ADK: variants seen among roughly 807,000 people sequenced by gnomAD.
ADK encodes the protein N6,N6-dimethyladenosine kinase.
A neutral mutation model predicts 44.7 loss-of-function variants in ADK; 24 were observed. That is an observed-to-expected ratio of 0.54 (90% confidence interval 0.39 to 0.76). ADK has a LOEUF of 0.76. ADK is among the 30% of genes least tolerant of loss of function. The pLI, the probability that ADK is intolerant of heterozygous loss-of-function variation, is 0.00. For missense variants in ADK, 321 were observed against 425.1 expected (o/e 0.76, Z 2.15); for synonymous variants, 128 against 142.6 (o/e 0.90, Z 0.73).
rs561544193 is a variant in ADK, at chr10:74,217,705, G to A, written c.141-6833G>A. On this transcript the variant is annotated intron_variant, in intron 2 of 10. Coordinates refer to ENST00000539909, the MANE Select transcript of ADK (RefSeq NM_006721.4). The stretch of plus-strand genomic sequence containing the variant: ...GAGGAACGATCAGACAGCAGCATTC[G>A]CGGTTCACGAAAAACCACTGTTCTG... Among the ~76,000 whole-genome samples, 8 of 152,254 alleles carry A rather than the reference G, an allele frequency of 5.3e-5. No homozygotes were observed. The East Asian group carries it at 5.8e-4, about 11-fold the overall frequency.
intron 4 of ADK, among the ~76,000 whole-genome samples, chr10:74,327,465 T>G (rs1030987040): frequency 6.6e-6 from 1 of 152,234 alleles, no homozygotes; most frequent in African/African-American, 2.4e-5. Flanking sequence ...ATGTGTAATC[T>G]TCAGCCGCTG....
intron 3 of ADK, among the ~76,000 whole-genome samples, chr10:74,225,688 A>G (rs1375440546): frequency 6.6e-6 from 1 of 152,206 alleles, no homozygotes; most frequent in African/African-American, 2.4e-5. Context: ...TACACATTCC[A>G]CTATTATGCT....
intron 4 of ADK, among the ~76,000 whole-genome samples, chr10:74,343,493 G>A: frequency 6.6e-6 from 1 of 152,172 alleles, no homozygotes; most frequent in East Asian, 1.9e-4. Flanking sequence ...AGGAGGAACT[G>A]GTTTTGCTGT....
At chr10:74,174,751 C>T (rs10824094) in intron 1 of ADK, 83,303 of 152,072 alleles carry the variant, frequency 0.55, 23,650 homozygotes, top group Non-Finnish European at 0.62. Context: ...GTCTTAACCA[C>T]GCCAAGTATA....
intron 9 of ADK, among the ~76,000 whole-genome samples, chr10:74,623,884 T>C (rs996756319): frequency 6.6e-6 from 1 of 152,114 alleles, no homozygotes; most frequent in Non-Finnish European, 1.5e-5. Flanking sequence ...TCAGAATAAT[T>C]ATTGTTTGTA....
intron 10 of ADK, among the ~76,000 whole-genome samples, chr10:74,686,904 C>T (rs919683262): frequency 5.3e-5 from 8 of 152,104 alleles, no homozygotes; most frequent in Non-Finnish European, 8.8e-5. Context: ...TCTCTATATC[C>T]TCACCTCGTG....
chr10:74,392,175 C>T (rs1207376786), intron 4 of ADK, among the ~76,000 whole-genome samples: 11 of 152,104 alleles, frequency 7.2e-5, no homozygotes, highest in Non-Finnish European at 7.4e-5. Flanking sequence ...ACTGTATACC[C>T]AGAAGTGAGG....
chr10:74,237,060 A>G (rs1048861560), intron 3 of ADK, among the ~76,000 whole-genome samples: 6 of 152,190 alleles, frequency 3.9e-5, no homozygotes, highest in Admixed American at 6.5e-5. Flanking sequence ...AAATAAGACA[A>G]TAATGAAGTT....
chr10:74,491,289 T>TA (rs1847474165), intron 6 of ADK, among the ~76,000 whole-genome samples: 1 of 152,160 alleles, frequency 6.6e-6, no homozygotes, highest in African/African-American at 2.4e-5. Context: ...TTTACTTTAC[T>TA]TTGAGTCAGG....
chr10:74,693,309 A>C (rs561338983), intron 10 of ADK, among the ~76,000 whole-genome samples: 2 of 152,286 alleles, frequency 1.3e-5, no homozygotes, highest in East Asian at 1.9e-4. Flanking sequence ...TGTAAACCTA[A>C]AACTGCCCAA....
At chr10:74,675,761 C>G (rs553537281) in intron 10 of ADK, among the ~76,000 whole-genome samples, 1 of 152,188 alleles carries the variant, frequency 6.6e-6, no homozygotes, top group Non-Finnish European at 1.5e-5. Flanking sequence ...AAATCTCTTC[C>G]CCTGTGTCTT....
At chr10:74,513,035 A>G (rs1848408620) in intron 6 of ADK, among the ~76,000 whole-genome samples, 1 of 152,200 alleles carries the variant, frequency 6.6e-6, no homozygotes, top group Non-Finnish European at 1.5e-5. Flanking sequence ...ATTCAGGAGC[A>G]TATTGTTTAA....
At position 74,547,487 on chromosome 10, in the gene ADK, T is replaced by A. The variant is rs867918633; in HGVS notation, c.726+22061T>A. Among the ~76,000 whole-genome samples the A allele has an allele frequency of 9.9e-3, 1,310 of 132,638 alleles. 22 individuals are homozygous for A. Among genetic ancestry groups the A allele is most frequent in the African/African-American group, 0.034 (1,105 of 32,964 alleles). 87.0% of individuals were successfully genotyped at this position (132,638 alleles called of 152,430 possible). On this transcript the variant is annotated intron_variant, in intron 7 of 10. Coordinates refer to ENST00000539909, the MANE Select transcript of ADK (RefSeq NM_006721.4). ...ATTTATTTATTTTTATTTTATTATT[T>A]TTTTTTTTTTTTGGAGACAGAGCCT...
At position 74,663,247 on chromosome 10, in the gene ADK, TA is replaced by T. The variant is rs1206700492; in HGVS notation, c.878-6934del. On this transcript the variant is annotated intron_variant, in intron 9 of 10. Transcript: ENST00000539909. ...AAGATGCTATCTCAAAAAAAAAAAA[TA>T]ATATATATATATATATATATGTATC... is the stretch of plus-strand genomic sequence containing the variant. Among the ~76,000 whole-genome samples the T allele has an allele frequency of 3.4e-3, 64 of 18,950 alleles. 1 individual carries two copies. Among genetic ancestry groups the T allele is most frequent in the African/African-American group, 0.016 (62 of 3,778 alleles). 12.4% of individuals were successfully genotyped at this position (18,950 alleles called of 152,430 possible). A position where few individuals can be genotyped will look rare whatever the true frequency, so the allele number is the denominator to read the frequency against.
At chr10:74,596,551 CTTT>C (rs1397377612) in intron 8 of ADK, among the ~76,000 whole-genome samples, 1 of 136,586 alleles carries the variant, frequency 7.3e-6, no homozygotes, top group South Asian at 2.3e-4. Context: ...CTCTCTCTCT[CTTT>C]TTTTTTTTTG....
At chr10:74,488,050 T>G (rs1335680080) in intron 6 of ADK, among the ~76,000 whole-genome samples, 1 of 151,976 alleles carries the variant, frequency 6.6e-6, no homozygotes, top group African/African-American at 2.4e-5. Context: ...CTGTATACTT[T>G]CTTGCCTAAG....
chr10:74,370,636 C>T (rs577468159), intron 4 of ADK, among the ~76,000 whole-genome samples: 1 of 152,016 alleles, frequency 6.6e-6, no homozygotes, highest in African/African-American at 2.4e-5. Context: ...ATAGTTGGCC[C>T]TCTAGATCAT....
intron 1 of ADK, among the ~76,000 whole-genome samples, chr10:74,188,475 A>G (rs1405207177): frequency 6.7e-6 from 1 of 148,688 alleles, no homozygotes; most frequent in Non-Finnish European, 1.5e-5. Flanking sequence ...CAGCCTCCCG[A>G]GTAGCAGGGA....
At chr10:74,702,524 T>TTCTTTCC (rs1589382755) in intron 10 of ADK, among the ~76,000 whole-genome samples, 1 of 120,818 alleles carries the variant, frequency 8.3e-6, no homozygotes, top group East Asian at 2.2e-4. Flanking sequence ...TCCTTCCTTC[T>TTCTTTCC]TTCCTTCCTT....
Sources: allele counts gnomAD v4.1 joint callset (sites outside exome capture counted in the v4.1 genomes callset), GRCh38; gene constraint gnomAD v4.1.1; transcripts MANE v1.5; gene names NCBI Gene and HGNC (gene_info 2026-07-23, HGNC 2026-07-21).